PCLO: variants seen among roughly 807,000 people sequenced by gnomAD.
PCLO encodes protein piccolo.
Under a neutral mutation model 427.5 loss-of-function variants are expected in PCLO, and 82 were observed. The observed-to-expected ratio is 0.19, with a 90% confidence interval of 0.16 to 0.23. The LOEUF (loss-of-function observed/expected upper bound fraction) is 0.23. Ranked by LOEUF, PCLO falls within the 10% of genes least tolerant of loss-of-function variation. PCLO has a pLI of 1.00. For missense variants in PCLO, 6,239 were observed against 6,115.9 expected, an observed-to-expected ratio of 1.02 and a Z score of -0.67; for synonymous variants, 2,357 against 2,155.4, an observed-to-expected ratio of 1.09 and a Z score of -2.59.
At chr7:83,126,708 C>T (rs1791447949) in intron 3 of PCLO, among the ~76,000 whole-genome samples, 2 of 152,052 alleles carry the variant, frequency 1.3e-5, no homozygotes, top group African/African-American at 2.4e-5. Flanking sequence ...TACAGACACT[C>T]CCTCCCCCAA....
chr7:82,954,948 T>A lies in PCLO; in HGVS notation c.6005A>T (p.Asp2002Val). ...KIRLSEQIYE[D>V]PMQKITDLQK... ...GAGGTCTGTAATTTTCTGCATAGGATCTTCATAAATCTGTTCTGAAAGTCT... is the reference window on the plus strand; with the variant it reads ...GAGGTCTGTAATTTTCTGCATAGGAACTTCATAAATCTGTTCTGAAAGTCT... Residue 2002 changes from aspartate to valine, a missense_variant, in exon 5 of 25, where the codon GAT (aspartate) becomes GTT (valine). Asp to Val is a radical substitution (Grantham distance 152, BLOSUM62 -3). This residue lies in a region of PCLO where 4,677 missense variants were observed against 4,468.4 expected (regional missense o/e 1.05). Coordinates refer to ENST00000333891, the MANE Select transcript of PCLO (RefSeq NM_033026.6). 1 of 1,613,686 alleles carries A rather than the reference T, an allele frequency of 6.2e-7. No individual in the cohort carries two copies. Among genetic ancestry groups the A allele is most frequent in the Non-Finnish European group, 8.5e-7 (1 of 1,179,830 alleles).
chr7:83,148,061 T>C (rs1375566870), intron 2 of PCLO, among the ~76,000 whole-genome samples: 1 of 152,218 alleles, frequency 6.6e-6, no homozygotes, highest in Non-Finnish European at 1.5e-5. Context: ...AAAATGCTCA[T>C]TCCTTTACAT....
intron 6 of PCLO, among the ~76,000 whole-genome samples, chr7:82,934,213 C>CG (rs772824565): frequency 2.0e-5 from 3 of 151,674 alleles, no homozygotes; most frequent in Admixed American, 6.6e-5. Flanking sequence ...TCTCATAGGT[C>CG]GCTAATGATT....
At chr7:83,134,218 A>AACAT in intron 3 of PCLO, 32 bp downstream of exon 3, 1 of 428,842 alleles carries the variant, frequency 2.3e-6, no homozygotes, top group East Asian at 7.2e-5. Flanking sequence ...CTCCATATGT[A>AACAT]ATATATATAT....
intron 6 of PCLO, among the ~76,000 whole-genome samples, chr7:82,948,104 A>T (rs1331106544): frequency 6.6e-6 from 1 of 152,118 alleles, no homozygotes; most frequent in Non-Finnish European, 1.5e-5. Context: ...ATACCTACAC[A>T]TTATATAACT....
At chr7:82,989,144 C>T (rs1796320670) in intron 3 of PCLO, among the ~76,000 whole-genome samples, 2 of 151,966 alleles carry the variant, frequency 1.3e-5, no homozygotes, top group Non-Finnish European at 2.9e-5. Context: ...ATTTCTAAAC[C>T]ACATGTAGAT....
intron 22 of PCLO, among the ~76,000 whole-genome samples, chr7:82,762,089 C>T (rs189143707): frequency 1.3e-5 from 2 of 152,160 alleles, no homozygotes; most frequent in East Asian, 1.9e-4. Flanking sequence ...TAAGCCAAAA[C>T]GTGCGTGCTT....
At chr7:82,938,332 G>T (rs1432983274) in intron 6 of PCLO, among the ~76,000 whole-genome samples, 1 of 151,816 alleles carries the variant, frequency 6.6e-6, no homozygotes, top group Non-Finnish European at 1.5e-5. Context: ...TGTTAGAAAG[G>T]CACATTGCTA....
At chr7:82,937,343 T>A (rs958556187) in intron 6 of PCLO, among the ~76,000 whole-genome samples, 6 of 151,598 alleles carry the variant, frequency 4.0e-5, no homozygotes, top group African/African-American at 1.2e-4. Context: ...ACAGTTTTTT[T>A]TTTTTTGCAT....
chr7:83,080,532 T>G (rs1341413578), intron 3 of PCLO, among the ~76,000 whole-genome samples: 1 of 152,148 alleles, frequency 6.6e-6, no homozygotes, highest in Non-Finnish European at 1.5e-5. Context: ...TCAGGTGAAC[T>G]CAAATCTGCC....
At position 82,988,004 on chromosome 7, in the gene PCLO, G is replaced by A. The variant is rs894269117; in HGVS notation, c.3301-21517C>T. ...TCAAACACCTAAGTTAAACTGATTA[G>A]ATTATTATAACTAAACAAAATGAAT... On this transcript the variant is annotated intron_variant, in intron 3 of 24. Coordinates refer to ENST00000333891, the MANE Select transcript of PCLO (RefSeq NM_033026.6). Among the ~76,000 whole-genome samples, 113 of 152,014 alleles carry A rather than the reference G, an allele frequency of 7.4e-4. 10 individuals carry two copies. The highest frequency in any genetic ancestry group is 1.0e-4 in the Non-Finnish European group (7 of 68,002).
chr7:82,888,078 A>G (rs1165647845), intron 9 of PCLO, among the ~76,000 whole-genome samples: 5 of 151,234 alleles, frequency 3.3e-5, no homozygotes, highest in Non-Finnish European at 7.4e-5. Flanking sequence ...TCAAAACAAA[A>G]AAAAAAAGAA....
At chr7:83,143,842 C>T (rs1390507473) in intron 2 of PCLO, among the ~76,000 whole-genome samples, 1 of 152,130 alleles carries the variant, frequency 6.6e-6, no homozygotes, top group Admixed American at 6.5e-5. Flanking sequence ...AACTTTTACA[C>T]CTCAGTTGAT....
Position 82,757,153 on chromosome 7 carries a change from G to A in PCLO, c.*1422C>T, listed in dbSNP as rs1352767172. On this transcript the variant is annotated 3_prime_UTR_variant, in exon 25 of 25. Coordinates refer to ENST00000333891, the MANE Select transcript of PCLO (RefSeq NM_033026.6). ...GGTAAAGTGAGTGTAAGTGACATGTGCAAAGTGACACAGTCAGTGGTAGAA... is the reference window on the plus strand; with the variant it reads ...GGTAAAGTGAGTGTAAGTGACATGTACAAAGTGACACAGTCAGTGGTAGAA... The A allele has an allele frequency of 6.6e-6, 1 of 151,988 alleles. No homozygotes were observed. Among genetic ancestry groups the A allele is most frequent in the East Asian group, 1.9e-4 (1 of 5,186 alleles). The allele number at this position is 151,988 out of a possible 1,614,324, so 9.4% of individuals were successfully genotyped here.
chr7:82,972,302 A>T (rs1405985270), intron 3 of PCLO, among the ~76,000 whole-genome samples: 1 of 152,040 alleles, frequency 6.6e-6, no homozygotes, highest in East Asian at 1.9e-4. Context: ...CAGAGAAGGG[A>T]TGCTACTGTG....
At chr7:82,862,613 T>C (rs1792988473) in intron 10 of PCLO, among the ~76,000 whole-genome samples, 1 of 137,126 alleles carries the variant, frequency 7.3e-6, no homozygotes, top group African/African-American at 2.7e-5. Context: ...TAACTGTCCA[T>C]CAACAGATGA....
At chr7:82,918,218 G>A (rs1794514000) in intron 6 of PCLO, among the ~76,000 whole-genome samples, 1 of 151,910 alleles carries the variant, frequency 6.6e-6, no homozygotes, top group Non-Finnish European at 1.5e-5. Flanking sequence ...CCCCAAGGCA[G>A]CTGTTTGACA....
chr7:82,912,263 T>C (rs1794340707), intron 7 of PCLO, among the ~76,000 whole-genome samples: 1 of 151,956 alleles, frequency 6.6e-6, no homozygotes, highest in African/African-American at 2.4e-5. Context: ...TTAATAAATG[T>C]AGGAATTATT....
At chr7:82,784,708 A>C (rs1474416680) in intron 22 of PCLO, among the ~76,000 whole-genome samples, 2 of 152,216 alleles carry the variant, frequency 1.3e-5, no homozygotes, top group African/African-American at 2.4e-5. Flanking sequence ...GAATGTTTAC[A>C]AAAAGGTATA....
Sources: allele counts gnomAD v4.1 joint callset (sites outside exome capture counted in the v4.1 genomes callset), GRCh38; gene constraint gnomAD v4.1.1; regional missense constraint gnomAD v4.1.1; transcripts MANE v1.5; gene names NCBI Gene and HGNC (gene_info 2026-07-23, HGNC 2026-07-21).